The following LRIG1 variants were observed in gnomAD, a reference collection of about 807,000 sequenced individuals.
LRIG1 encodes leucine rich repeats and immunoglobulin like domains 1.
In LRIG1, 48 loss-of-function variants were observed where a neutral mutation model predicts 99.2. The ratio of observed to expected loss-of-function variants is 0.48; its 90% confidence interval spans 0.38 to 0.62. The LOEUF (loss-of-function observed/expected upper bound fraction) is 0.62, where lower values mean the gene tolerates loss of function less well. LRIG1 is among the 20% of genes least tolerant of loss of function. The pLI, the probability that LRIG1 is intolerant of heterozygous loss-of-function variation, is 0.00. For synonymous variants in LRIG1, 772 were observed against 596.1 expected (o/e 1.29, Z -4.30); for missense variants, 1,646 against 1,434.4 (o/e 1.15, Z -2.38).
chr3:66,470,560 C>A lies in LRIG1; in HGVS notation c.219-8051G>T, dbSNP rs1189066544. Among the ~76,000 whole-genome samples the A allele has an allele frequency of 2.0e-5, 3 of 152,184 alleles. No individual in the cohort carries two copies. In the East Asian group the frequency reaches 5.8e-4, roughly 29 times the overall value. On this transcript the variant is annotated intron_variant, in intron 1 of 18. Coordinates refer to ENST00000273261, the MANE Select transcript of LRIG1 (RefSeq NM_015541.3). ...CAAAGTTGAGAAGAATAGCCCCATG[C>A]TGCCAGACCCACAACCCACCAGGCG...
intron 1 of LRIG1, among the ~76,000 whole-genome samples, chr3:66,471,995 G>A (rs111681582): frequency 8.6e-4 from 131 of 152,180 alleles, no homozygotes; most frequent in African/African-American, 2.9e-3. Context: ...CTGAAAATGT[G>A]ATGCAGCTTT....
At chr3:66,432,218 C>T (rs552596048) in intron 3 of LRIG1, among the ~76,000 whole-genome samples, 1 of 152,164 alleles carries the variant, frequency 6.6e-6, no homozygotes, top group African/African-American at 2.4e-5. Flanking sequence ...ACCCCCTGCC[C>T]CCGACACTCT....
intron 3 of LRIG1, among the ~76,000 whole-genome samples, chr3:66,422,949 A>C (rs1030505745): frequency 3.3e-5 from 5 of 152,222 alleles, no homozygotes; most frequent in African/African-American, 1.2e-4. Flanking sequence ...GGGAAACTCC[A>C]GTTTTTAAAA....
intron 14 of LRIG1, 132 bp from the exon 15 acceptor site, chr3:66,383,533 C>T (rs1018889723): frequency 3.6e-6 from 3 of 841,776 alleles, no homozygotes; most frequent in Non-Finnish European, 1.8e-6. Flanking sequence ...GAGTGGCAAG[C>T]TTTGGAGAAG....
rs976929282 is a variant in LRIG1 at position 66,405,178 on chromosome 3, T to G, written c.1160+20A>C. 6.2e-7 allele frequency: 1 copy of G among 1,611,468 alleles called. No homozygotes were observed. Among genetic ancestry groups the G allele is most frequent in the African/African-American group, 1.3e-5 (1 of 74,870 alleles). ...TGTCCCGCGCATTTGCCGGCGGAGC[T>G]CCGTGCGGCGGATACTCACAGCTTG... is the stretch of plus-strand genomic sequence containing the variant. On this transcript the variant is annotated intron_variant, in intron 9 of 18. Transcript: ENST00000273261.
intron 3 of LRIG1, among the ~76,000 whole-genome samples, chr3:66,437,753 C>A (rs1320641196): frequency 6.6e-6 from 1 of 152,138 alleles, no homozygotes; most frequent in African/African-American, 2.4e-5. Flanking sequence ...AGCCCCTCAC[C>A]CCAGCCCCAG....
chr3:66,448,040 T>C (rs1390022222), intron 3 of LRIG1, among the ~76,000 whole-genome samples: 1 of 152,270 alleles, frequency 6.6e-6, no homozygotes, highest in East Asian at 1.9e-4. Flanking sequence ...TTGAGTTCTA[T>C]GCTTTCTGTT....
At chr3:66,439,239 C>T (rs1703463396) in intron 3 of LRIG1, among the ~76,000 whole-genome samples, 1 of 152,248 alleles carries the variant, frequency 6.6e-6, no homozygotes. Context: ...TTTCTCAACA[C>T]GCCAGCTCTC....
chr3:66,388,121 A>T (rs2107947570), intron 12 of LRIG1: 1 of 150,490 alleles, frequency 6.6e-6, no homozygotes, highest in African/African-American at 2.4e-5. Flanking sequence ...AAAAAAAAAA[A>T]AAAAAAAAAA....
chr3:66,425,136 G>A (rs1702937914), intron 3 of LRIG1, among the ~76,000 whole-genome samples: 1 of 152,234 alleles, frequency 6.6e-6, no homozygotes, highest in African/African-American at 2.4e-5. Context: ...ACACAGCTGG[G>A]AAGCAAGAGG....
chr3:66,429,338 G>A (rs186131446), intron 3 of LRIG1, among the ~76,000 whole-genome samples: 9 of 152,280 alleles, frequency 5.9e-5, no homozygotes, highest in Middle Eastern at 3.4e-3. Context: ...AGTCTAGAGT[G>A]ACCCAACTCA....
intron 6 of LRIG1, among the ~76,000 whole-genome samples, chr3:66,411,325 TTA>T: frequency 6.6e-6 from 1 of 152,218 alleles, no homozygotes; most frequent in Middle Eastern, 3.2e-3. Context: ...AGGTAAGCAC[TTA>T]ATGTATAAAT....
At chr3:66,476,967 A>G (rs1207125152) in intron 1 of LRIG1, among the ~76,000 whole-genome samples, 1 of 152,222 alleles carries the variant, frequency 6.6e-6, no homozygotes, top group Non-Finnish European at 1.5e-5. Context: ...CACGACACAC[A>G]TGTGGTCTGT....
chr3:66,380,172 TG>T lies in LRIG1; in HGVS notation c.*90del. The stretch of plus-strand genomic sequence containing the variant: ...CATGGGAGTTACAACTATGTACAGA[TG>T]AGTGACGCTTGAACCCAAGCTTCCT... On this transcript the variant is annotated 3_prime_UTR_variant, in exon 19 of 19. Transcript: ENST00000273261. 2.0e-6 allele frequency: 2 copies of T among 996,490 alleles called. No homozygotes were observed. The highest frequency in any genetic ancestry group is 2.5e-5 in the East Asian group (1 of 39,690). The allele number at this position is 996,490 out of a possible 1,614,324, so 61.7% of individuals were successfully genotyped here.
chr3:66,468,120 C>T (rs1700516732), intron 1 of LRIG1, among the ~76,000 whole-genome samples: 1 of 152,190 alleles, frequency 6.6e-6, no homozygotes, highest in Non-Finnish European at 1.5e-5. Context: ...GGATTACAAC[C>T]AGAACCACAT....
rs80279768 is a variant in LRIG1 at position 66,412,916 on chromosome 3, T to A, written c.746A>T (p.Lys249Ile). ...TCCCCAGAAGGCCCCATCTGTCAGT[T>A]TGCTGATGTTGTTTCGCTGAAGCTT... is the stretch of plus-strand genomic sequence containing the variant. ...VLKLQRNNIS[K>I]LTDGAFWGLS... is the part of the protein sequence containing the mutation. Residue 249 changes from lysine to isoleucine, a missense_variant, in exon 6 of 19, where the codon AAA (lysine) becomes ATA (isoleucine). Lys to Ile is a moderately radical substitution (Grantham distance 102). Coordinates refer to ENST00000273261, the MANE Select transcript of LRIG1 (RefSeq NM_015541.3). 2 of 1,614,116 alleles carry A rather than the reference T, an allele frequency of 1.2e-6. No homozygotes were observed. The highest frequency in any genetic ancestry group is 1.3e-5 in the African/African-American group (1 of 74,930).
intron 12 of LRIG1, among the ~76,000 whole-genome samples, chr3:66,393,290 C>A (rs183465281): frequency 6.6e-6 from 1 of 152,314 alleles, no homozygotes; most frequent in East Asian, 1.9e-4. Flanking sequence ...CCCAGCAGTT[C>A]CAGTCAGGCC....
At chr3:66,444,970 T>C (rs992512231) in intron 3 of LRIG1, among the ~76,000 whole-genome samples, 2 of 151,912 alleles carry the variant, frequency 1.3e-5, no homozygotes, top group Non-Finnish European at 2.9e-5. Flanking sequence ...TATGTGTATA[T>C]ATATAATTCC....
At chr3:66,487,186 G>A (rs967052834) in intron 1 of LRIG1, among the ~76,000 whole-genome samples, 9 of 152,138 alleles carry the variant, frequency 5.9e-5, no homozygotes, top group Non-Finnish European at 1.0e-4. Flanking sequence ...TAAAAGTTCT[G>A]ACATATAAAA....
Sources: allele counts gnomAD v4.1 joint callset (sites outside exome capture counted in the v4.1 genomes callset), GRCh38; gene constraint gnomAD v4.1.1; transcripts MANE v1.5; gene names NCBI Gene and HGNC (gene_info 2026-07-23, HGNC 2026-07-21).